SMG5: variants seen among roughly 807,000 people sequenced by gnomAD.
SMG5 encodes SMG5 nonsense mediated mRNA decay factor, also known as nonsense-mediated mRNA decay factor SMG5.
SMG5 carries 53 observed loss-of-function variants against 122.9 expected under a neutral mutation model. The ratio of observed to expected loss-of-function variants is 0.43; its 90% CI spans 0.35 to 0.54. The LOEUF (loss-of-function observed/expected upper bound fraction) is 0.54, where lower values mean the gene tolerates loss of function less well. SMG5 is among the 20% of genes least tolerant of loss of function. The pLI is 0.01. For missense variants in SMG5, 1,153 were observed against 1,285.6 expected (o/e 0.90, Z 1.58); for synonymous variants, 477 against 490.2 (o/e 0.97, Z 0.35).
intron 7 of SMG5, among the ~76,000 whole-genome samples, chr1:156,271,666 TGG>T (rs1662440002): frequency 1.1e-5 from 1 of 87,402 alleles, no homozygotes; most frequent in Non-Finnish European, 2.9e-5. Flanking sequence ...CTCTGCCTCC[TGG>T]GTTCAAGTGA....
upstream of SMG5, chr1:156,285,175 TC>T: frequency 2.6e-6 from 4 of 1,510,654 alleles, no homozygotes; most frequent in Non-Finnish European, 3.5e-6. Context: ...TTTCCTCTGT[TC>T]CCTGCAGGAT....
In SMG5 at chr1:156,272,346, C is replaced by T; in HGVS notation, c.687G>A (p.Val229=). The T allele has an allele frequency of 6.2e-7, 1 of 1,600,796 alleles. No individual in the cohort carries two copies. The stretch of plus-strand genomic sequence containing the variant: ...AGCGCAGGTAGCAATACATGGCTTC[C>T]ACATTATAGTACTTGCTGCCTGCCA... ...GTLAGSKYYN[V]EAMYCYLRCI... The change falls in exon 7 of 22, where the codon GTG becomes GTA. Residue 229 remains valine (V), a synonymous_variant. Coordinates refer to ENST00000361813, the MANE Select transcript of SMG5 (RefSeq NM_015327.3).
upstream of SMG5, chr1:156,285,687 G>T: frequency 6.2e-7 from 1 of 1,613,648 alleles, no homozygotes; most frequent in South Asian, 1.1e-5. Flanking sequence ...GCAGGCGAGG[G>T]CGAGTGCCGA....
chr1:156,253,426 G>A (rs533974208), intron 17 of SMG5, 23 bp downstream of exon 17: 4 of 1,613,196 alleles, frequency 2.5e-6, no homozygotes, highest in Non-Finnish European at 3.4e-6. Context: ...TGCAGAAGAA[G>A]CACTTGGGTC....
intron 9 of SMG5, 114 bp downstream of exon 9, chr1:156,268,001 G>T (rs528385267): frequency 9.1e-6 from 10 of 1,093,006 alleles, no homozygotes; most frequent in Non-Finnish European, 1.4e-5. Flanking sequence ...AATTGGTTAC[G>T]GATGTTCAAA....
intron 3 of SMG5, 131 bp from the exon 4 acceptor site, chr1:156,277,372 A>G: frequency 9.6e-7 from 1 of 1,041,320 alleles, no homozygotes; most frequent in South Asian, 1.7e-5. Flanking sequence ...AGTTACTGTC[A>G]TACTCTTAGC....
intron 13 of SMG5, 31 bp from the exon 14 acceptor site, chr1:156,261,439 A>C (rs780367972): frequency 6.3e-7 from 1 of 1,580,796 alleles, no homozygotes; most frequent in Admixed American, 1.7e-5. Context: ...GGAGGCCTTC[A>C]GCTAGAGACA....
chr1:156,261,439 A>G, intron 13 of SMG5, 31 bp from the exon 14 acceptor site: 1 of 1,580,796 alleles, frequency 6.3e-7, no homozygotes, highest in Non-Finnish European at 8.7e-7. Flanking sequence ...GGAGGCCTTC[A>G]GCTAGAGACA....
intron 19 of SMG5, 63 bp from the exon 20 acceptor site, chr1:156,251,540 G>A: frequency 1.9e-6 from 3 of 1,558,882 alleles, no homozygotes; most frequent in Admixed American, 1.7e-5. Context: ...CTTACACAAA[G>A]CAGTCTGTTG....
At position 156,252,417 on chromosome 1, in the gene SMG5, T is replaced by C. The variant is rs1661392704; in HGVS notation, c.2750A>G (p.Asn917Ser). 1 of 1,613,966 alleles carries C rather than the reference T, an allele frequency of 6.2e-7. No individual in the cohort carries two copies. The highest frequency in any genetic ancestry group is 8.5e-7 in the Non-Finnish European group (1 of 1,179,982). ...GGTCCAGCCAGGCCACACTCACCTG[T>C]TTCCTTTTTTAAACTCTGCCTCCAG... ...RYLEAEFKKG[N>S]RYIRCQKEVG... Residue 917 changes from asparagine (N) to serine (S), a missense_variant, in exon 19 of 22, where the codon AAC becomes AGC. Around this residue, in one of 5 missense-constraint regions of SMG5, gnomAD observed 140 missense variants for 227.8 expected, o/e 0.61. Transcript: ENST00000361813.
Position 156,272,411 on chromosome 1 carries a change from A to G in SMG5, c.635-13T>C. ...TTGAAGGGCATTCCTAGGGAGAAAG[A>G]GAATTCATGCAGTCTAAGGCCACAA... On this transcript the variant is annotated splice_polypyrimidine_tract_variant and intron_variant, in intron 6 of 21. Coordinates refer to ENST00000361813, the MANE Select transcript of SMG5 (RefSeq NM_015327.3). The G allele has an allele frequency of 1.3e-6, 2 of 1,593,858 alleles. No homozygotes were observed. Among genetic ancestry groups the G allele is most frequent in the Non-Finnish European group, 1.7e-6 (2 of 1,167,600 alleles).
chr1:156,291,494 T>G, the SMG5 span: 1 of 1,613,120 alleles, frequency 6.2e-7, no homozygotes, highest in Middle Eastern at 1.6e-4. Flanking sequence ...CTACTACATG[T>G]TCGTGGTGGA....
chr1:156,283,945 T>G (rs998907536), upstream of SMG5, among the ~76,000 whole-genome samples: 1 of 152,254 alleles, frequency 6.6e-6, no homozygotes, highest in Non-Finnish European at 1.5e-5. Flanking sequence ...GGCAGAGACC[T>G]CAACTGTCAT....
chr1:156,266,739 A>G lies in SMG5; in HGVS notation c.1118-61T>C. Reference sequence around the variant, plus strand: ...GCCCTGATGAGGAGTAGGCACCATCAATTCCAACCACATCTCATCTGTTCT... The same window carrying G: ...GCCCTGATGAGGAGTAGGCACCATCGATTCCAACCACATCTCATCTGTTCT... On this transcript the variant is annotated intron_variant, in intron 10 of 21. Coordinates refer to ENST00000361813, the MANE Select transcript of SMG5 (RefSeq NM_015327.3). 3 of 1,575,596 alleles carry G rather than the reference A, an allele frequency of 1.9e-6. No homozygotes were observed. The South Asian group carries it at 3.4e-5, about 18-fold the overall frequency.
At chr1:156,277,035 AG>A (rs1307617092) in intron 4 of SMG5, 49 bp downstream of exon 4, 2 of 1,585,886 alleles carry the variant, frequency 1.3e-6, no homozygotes, top group Non-Finnish European at 1.7e-6. Flanking sequence ...ATAAGGCCAG[AG>A]GTAGAAGCAT....
chr1:156,258,912 G>A, intron 16 of SMG5, 93 bp downstream of exon 16: 4 of 1,499,286 alleles, frequency 2.7e-6, no homozygotes, highest in Non-Finnish European at 3.6e-6. Context: ...TGTCCTTCAG[G>A]TGGAGACCAC....
chr1:156,256,683 A>G (rs1300974433), intron 16 of SMG5, among the ~76,000 whole-genome samples: 1 of 152,060 alleles, frequency 6.6e-6, no homozygotes, highest in Non-Finnish European at 1.5e-5. Context: ...TTTCAAACAG[A>G]TGTAGGCCTA....
At chr1:156,285,487 G>A (rs543664557), upstream of SMG5, 15 of 1,614,004 alleles carry the variant, frequency 9.3e-6, no homozygotes, top group East Asian at 4.5e-5. Context: ...CCAGTGCTCC[G>A]TTCCCGGATC....
At chr1:156,272,297 A>C in intron 7 of SMG5, 23 bp downstream of exon 7, 1 of 1,574,288 alleles carries the variant, frequency 6.4e-7, no homozygotes. Context: ...GCAGGGCTGG[A>C]AAAAGAGCTG....
Sources: gnomAD v4.1 joint callset for allele counts (sites outside exome capture counted in the v4.1 genomes callset) on GRCh38, gnomAD v4.1.1 for gene constraint, gnomAD v4.1.1 regional missense constraint, MANE v1.5 for transcripts, NCBI Gene and HGNC (gene_info 2026-07-23, HGNC 2026-07-21) for gene names.